Variants in SYCE1 observed in about 807,000 individuals in gnomAD.
The protein encoded by SYCE1 is cancer/testis antigen 76.
In SYCE1, 37 loss-of-function variants were observed where a neutral mutation model predicts 55.1. That is an observed-to-expected ratio of 0.67 (90% confidence interval 0.52 to 0.88). SYCE1 has a LOEUF of 0.88. Among genes scored for constraint, SYCE1 ranks in the 40% least tolerant of loss-of-function variants. SYCE1 has a pLI of 0.00. For synonymous variants in SYCE1, 163 were observed against 159.4 expected (o/e 1.02, Z -0.17); for missense variants, 399 against 416.4 (o/e 0.96, Z 0.36).
chr10:133,557,132 G>A lies in SYCE1; in HGVS notation c.399C>T (p.Cys133=), dbSNP rs1851704244. Residue 133 remains cysteine (C), a synonymous_variant, in exon 7 of 13, where the codon TGC becomes TGT. Transcript: ENST00000343131. ...AHRKHTMLQE[C]KERISALNLQ... The stretch of plus-strand genomic sequence containing the variant: ...AGTTCAGGGCAGAAATTCTCTCCTT[G>A]CACTCCTGCAACATGGTGTGCTTCC... 3 of 1,614,070 alleles carry A rather than the reference G, an allele frequency of 1.9e-6. No individual in the cohort carries two copies. Among genetic ancestry groups the A allele is most frequent in the Non-Finnish European group, 1.7e-6 (2 of 1,180,002 alleles).
At chr10:133,558,368 A>G in intron 4 of SYCE1, 154 bp from the exon 5 acceptor site, 1 of 794,376 alleles carries the variant, frequency 1.3e-6, no homozygotes, top group Non-Finnish European at 2.1e-6. Context: ...TCTGGTGCCC[A>G]CATTCCTTGT....
chr10:133,555,023 C>A lies in SYCE1; in HGVS notation c.1025G>T (p.Arg342Met). The change falls in exon 13 of 13, where the codon AGG (arginine) becomes ATG (methionine). Residue 342 changes from arginine (R) to methionine (M), a missense_variant. Physicochemically the swap from Arg to Met is moderately conservative, Grantham distance 91. Coordinates refer to ENST00000343131, the MANE Select transcript of SYCE1 (RefSeq NM_001143764.3). The stretch of plus-strand genomic sequence containing the variant: ...TAGCTCCTTTATTTCCTGAAAGCCC[C>A]TTGGGCTAAGGTCGGGGTGGAGTGT... ...EDTLHPDLSP[R>M]GFQEIKELF 1 of 1,550,844 alleles carries A rather than the reference C, an allele frequency of 6.4e-7. No individual in the cohort carries two copies. The highest frequency in any genetic ancestry group is 1.2e-5 in the South Asian group (1 of 83,916).
At chr10:133,558,526 AT>A in intron 4 of SYCE1, 1 of 534,156 alleles carries the variant, frequency 1.9e-6, no homozygotes, top group South Asian at 2.4e-5. Context: ...AGGATGGGGC[AT>A]GTGACCAGAT....
chr10:133,556,199 GC>G, intron 8 of SYCE1, 152 bp from the exon 9 acceptor site: 1 of 815,698 alleles, frequency 1.2e-6, no homozygotes, highest in Non-Finnish European at 1.9e-6. Flanking sequence ...CAGCCTCAGG[GC>G]CATGGCACTG....
Position 133,555,604 on chromosome 10 carries a change from G to A in SYCE1, c.823C>T (p.Arg275Trp), listed in dbSNP as rs1564854970. 5.6e-6 allele frequency: 9 copies of A among 1,605,048 alleles called. No homozygotes were observed. In the East Asian group the frequency reaches 6.7e-5, roughly 12 times the overall value. ...QQKCQQQQQK[R>W]QRLKEELEKH... ...CAGGGCCTCCACACGCACCTCTGCC[G>A]CTTCTGCTGCTGTTGTTGGCACTTC... The change falls in exon 11 of 13, where the codon CGG becomes TGG. Residue 275 changes from arginine to tryptophan, a missense_variant. By Grantham distance (101) the Arg-to-Trp change is moderately radical. Coordinates refer to ENST00000343131, the MANE Select transcript of SYCE1 (RefSeq NM_001143764.3).
Position 133,557,880 on chromosome 10 carries a change from C to T in SYCE1, c.358G>A (p.Glu120Lys). The T allele has an allele frequency of 1.2e-6, 2 of 1,614,134 alleles. No individual in the cohort carries two copies. Among genetic ancestry groups the T allele is most frequent in the Non-Finnish European group, 1.7e-6 (2 of 1,180,032 alleles). Residue 120 changes from glutamate to lysine, a missense_variant, in exon 6 of 13, where the codon GAA becomes AAA. Coordinates refer to ENST00000343131, the MANE Select transcript of SYCE1 (RefSeq NM_001143764.3). Reference protein sequence around the residue: ...RILRLHCQEKESEAHRKHTML... With the variant: ...RILRLHCQEKKSEAHRKHTML... ...AGCTCTTACCTGTGTGCCTCACTTT[C>T]CTTTTCCTGGCAATGCAGCCGGAGG... is the stretch of plus-strand genomic sequence containing the variant.
chr10:133,556,418 G>A (rs9630000), intron 8 of SYCE1: 2,664 of 519,172 alleles, frequency 5.1e-3, no homozygotes, highest in African/African-American at 0.045. Flanking sequence ...CTTCCTTCCT[G>A]ACACTCACTG....
intron 8 of SYCE1, 62 bp from the exon 9 acceptor site, chr10:133,556,109 C>T: frequency 6.3e-7 from 1 of 1,581,276 alleles, no homozygotes; most frequent in Non-Finnish European, 8.6e-7. Flanking sequence ...TCAAAGAAGG[C>T]TATCTGGATC....
intron 8 of SYCE1, 153 bp downstream of exon 8, chr10:133,556,606 T>C (rs1380239985): frequency 4.0e-6 from 3 of 758,522 alleles, no homozygotes; most frequent in African/African-American, 3.4e-5. Flanking sequence ...CACAAGGAGG[T>C]GACAAGGGAC....
upstream of SYCE1, among the ~76,000 whole-genome samples, chr10:133,566,861 AGGGTT>A: frequency 3.5e-5 from 1 of 28,178 alleles, no homozygotes; most frequent in Non-Finnish European, 3.5e-4. Context: ...TGTTAGGGTT[AGGGTT>A]AGGGTTAGCA....
rs762334170 is a variant in SYCE1 at position 133,555,609 on chromosome 10, T to G, written c.818A>C (p.Gln273Pro). 44 of 1,605,788 alleles carry G rather than the reference T, an allele frequency of 2.7e-5. No individual in the cohort carries two copies. Among genetic ancestry groups the G allele is most frequent in the Non-Finnish European group, 3.6e-5 (42 of 1,179,432 alleles). The stretch of plus-strand genomic sequence containing the variant: ...CCTCCACACGCACCTCTGCCGCTTC[T>G]GCTGCTGTTGTTGGCACTTCTGCTG... The part of the protein sequence containing the change: ...QLQQKCQQQQ[Q>P]KRQRLKEELE... Residue 273 changes from glutamine to proline, a missense_variant, in exon 11 of 13, where the codon CAG (glutamine) becomes CCG (proline). Transcript: ENST00000343131.
intron 8 of SYCE1, 96 bp downstream of exon 8, chr10:133,556,663 G>T: frequency 7.7e-7 from 1 of 1,300,594 alleles, no homozygotes; most frequent in South Asian, 1.3e-5. Context: ...CTTGCTTGGC[G>T]ACTGGTTGTG....
chr10:133,563,833 T>C (rs1426049876), intron 1 of SYCE1, among the ~76,000 whole-genome samples: 1 of 152,196 alleles, frequency 6.6e-6, no homozygotes, highest in Non-Finnish European at 1.5e-5. Context: ...ATTCAAGTAA[T>C]TGGCATGTGT....
At chr10:133,558,479 C>A (rs1054054184) in intron 4 of SYCE1, 4 of 565,206 alleles carry the variant, frequency 7.1e-6, no homozygotes, top group Admixed American at 6.1e-5. Context: ...CCAACACCCA[C>A]GAAGTGGGAT....
intron 1 of SYCE1, among the ~76,000 whole-genome samples, chr10:133,562,381 A>C (rs1193266475): frequency 7.0e-6 from 1 of 143,268 alleles, no homozygotes; most frequent in Non-Finnish European, 1.5e-5. Context: ...TTTGGGCAAA[A>C]GTTTTTTTTC....
upstream of SYCE1, among the ~76,000 whole-genome samples, chr10:133,566,583 A>G (rs1851940055): frequency 1.5e-5 from 1 of 68,750 alleles, no homozygotes; most frequent in African/African-American, 4.8e-5. Context: ...TTTTACGGTT[A>G]GGGTCAGGGT....
At position 133,554,946 on chromosome 10, in the gene SYCE1, G is replaced by C; in HGVS notation, c.*46C>G. On this transcript the variant is annotated 3_prime_UTR_variant, in exon 13 of 13. Transcript: ENST00000343131. Reference sequence around the variant, plus strand: ...GCTTCAATCAGTCACAGGAGACTGGGGATCTTGGGCCTGACCCCTACTCCT... The same window carrying C: ...GCTTCAATCAGTCACAGGAGACTGGCGATCTTGGGCCTGACCCCTACTCCT... The C allele has an allele frequency of 6.7e-7, 1 of 1,492,546 alleles. No homozygotes were observed. Among genetic ancestry groups the C allele is most frequent in the Non-Finnish European group, 8.9e-7 (1 of 1,120,580 alleles). The allele number at this position is 1,492,546 out of a possible 1,614,324, so 92.5% of individuals were successfully genotyped here.
upstream of SYCE1, among the ~76,000 whole-genome samples, chr10:133,566,371 G>T (rs1851934542): frequency 6.6e-6 from 1 of 151,460 alleles, no homozygotes; most frequent in African/African-American, 2.4e-5. Context: ...CCTATAAAAG[G>T]TTACCTTAGG....
chr10:133,557,224 C>T, intron 6 of SYCE1, 68 bp from the exon 7 acceptor site: 1 of 1,312,550 alleles, frequency 7.6e-7, no homozygotes, highest in Non-Finnish European at 1.1e-6. Context: ...GCTGGGGCTT[C>T]TGCCTCCCTC....
Sources: allele counts gnomAD v4.1 joint callset (sites outside exome capture counted in the v4.1 genomes callset), GRCh38; gene constraint gnomAD v4.1.1; transcripts MANE v1.5; gene names NCBI Gene and HGNC (gene_info 2026-07-23, HGNC 2026-07-21).